The following GRXCR1 variants were observed in gnomAD, a reference collection of about 807,000 sequenced individuals.
The protein encoded by GRXCR1 is glutaredoxin and cysteine rich domain containing 1, also known as glutaredoxin domain-containing cysteine-rich protein 1.
In GRXCR1, 27 loss-of-function variants were observed where a neutral mutation model predicts 27.3. The ratio of observed to expected loss-of-function variants is 0.99; its 90% CI spans 0.73 to 1.37. The LOEUF is 1.37. Among genes scored for constraint, GRXCR1 ranks in the 40% most tolerant of loss-of-function variants. GRXCR1 has a pLI of 0.00. For synonymous variants in GRXCR1, 122 were observed against 131.1 expected (o/e 0.93, Z 0.47); for missense variants, 379 against 354.4 (o/e 1.07, Z -0.56).
At chr4:42,960,692 G>T (rs1460511779) in intron 1 of GRXCR1, among the ~76,000 whole-genome samples, 1 of 151,252 alleles carries the variant, frequency 6.6e-6, no homozygotes, top group Non-Finnish European at 1.5e-5. Context: ...AACTTGTTAG[G>T]TAGCTATTGT....
chr4:43,022,885 C>A (rs554311199), intron 3 of GRXCR1, among the ~76,000 whole-genome samples: 1 of 152,298 alleles, frequency 6.6e-6, no homozygotes, highest in East Asian at 1.9e-4. Flanking sequence ...TGTATTAAAT[C>A]ATTGAAAGCT....
At chr4:42,971,316 A>C (rs934444841) in intron 2 of GRXCR1, among the ~76,000 whole-genome samples, 1 of 152,086 alleles carries the variant, frequency 6.6e-6, no homozygotes, top group Non-Finnish European at 1.5e-5. Context: ...AGTACCTTCC[A>C]CATTTTTATA....
Position 42,893,611 on chromosome 4 carries a change from T to C in GRXCR1, c.345T>C (p.Ala115=). The part of the protein sequence containing the change: ...TVRGVKYKVS[A]GQALFNNLTK... ...GAGGCGTCAAATACAAAGTGAGTGC[T>C]GGCCAGGCTCTATTTAACAATTTGA... Residue 115 remains alanine (A), a synonymous_variant, in exon 1 of 4, where the codon GCT becomes GCC. Coordinates refer to ENST00000399770, the MANE Select transcript of GRXCR1 (RefSeq NM_001080476.3). 1 of 1,613,658 alleles carries C rather than the reference T, an allele frequency of 6.2e-7. No homozygotes were observed. Among genetic ancestry groups the C allele is most frequent in the Non-Finnish European group, 8.5e-7 (1 of 1,179,732 alleles).
intron 2 of GRXCR1, among the ~76,000 whole-genome samples, chr4:43,006,595 G>A (rs1012887071): frequency 3.3e-5 from 5 of 152,182 alleles, no homozygotes; most frequent in African/African-American, 7.2e-5. Context: ...GGTCAGACCA[G>A]TTGATCTCAA....
chr4:42,904,265 C>T (rs560823272), intron 1 of GRXCR1, among the ~76,000 whole-genome samples: 9 of 152,190 alleles, frequency 5.9e-5, no homozygotes, highest in African/African-American at 1.9e-4. Flanking sequence ...GCCCAACTTT[C>T]GCTCCTTCCA....
rs542887143 is a variant in GRXCR1 at position 43,030,584 on chromosome 4, G to T, written c.*44G>T. On this transcript the variant is annotated 3_prime_UTR_variant, in exon 4 of 4. Transcript: ENST00000399770. ...AAAAACCTCATTTTATTAATCAAAGGCAATACTTTGGTTTATATATATATT... is the reference window on the plus strand; with the variant it reads ...AAAAACCTCATTTTATTAATCAAAGTCAATACTTTGGTTTATATATATATT... The T allele has an allele frequency of 6.9e-7, 1 of 1,444,152 alleles. No homozygotes were observed. Among genetic ancestry groups the T allele is most frequent in the East Asian group, 2.3e-5 (1 of 44,006 alleles). 89.5% of individuals were successfully genotyped at this position (1,444,152 alleles called of 1,614,324 possible).
intron 2 of GRXCR1, among the ~76,000 whole-genome samples, chr4:42,965,129 T>G (rs1271693091): frequency 2.6e-5 from 4 of 152,178 alleles, no homozygotes; most frequent in East Asian, 3.9e-4. Flanking sequence ...GTCCTGCTAT[T>G]TGCCCTATAG....
intron 2 of GRXCR1, among the ~76,000 whole-genome samples, chr4:42,969,139 A>G (rs1748320954): frequency 6.6e-6 from 1 of 152,150 alleles, no homozygotes; most frequent in South Asian, 2.1e-4. Flanking sequence ...TTATAATTAT[A>G]TAAAATAATA....
At chr4:42,985,883 G>A (rs916078658) in intron 2 of GRXCR1, among the ~76,000 whole-genome samples, 2 of 151,852 alleles carry the variant, frequency 1.3e-5, no homozygotes, top group Middle Eastern at 3.2e-3. Context: ...TTTATAGCTT[G>A]ACTTGAAAAA....
chr4:42,935,391 T>C (rs1747432427), intron 1 of GRXCR1, among the ~76,000 whole-genome samples: 1 of 151,788 alleles, frequency 6.6e-6, no homozygotes, highest in Admixed American at 6.6e-5. Context: ...AGTGGTAAAG[T>C]TAGTATTACA....
At chr4:43,005,876 G>A (rs995348157) in intron 2 of GRXCR1, among the ~76,000 whole-genome samples, 1 of 152,184 alleles carries the variant, frequency 6.6e-6, no homozygotes, top group African/African-American at 2.4e-5. Context: ...CCCATGCTAG[G>A]CACCAGTTAT....
chr4:42,914,638 G>A (rs751823308), intron 1 of GRXCR1, among the ~76,000 whole-genome samples: 22 of 152,266 alleles, frequency 1.4e-4, no homozygotes, highest in Non-Finnish European at 2.9e-4. Flanking sequence ...GGAAGGGCAG[G>A]ATTGTGTTTT....
At chr4:42,935,622 G>C (rs1747438043) in intron 1 of GRXCR1, among the ~76,000 whole-genome samples, 1 of 151,918 alleles carries the variant, frequency 6.6e-6, no homozygotes, top group Admixed American at 6.6e-5. Context: ...CTCTGTAAGA[G>C]TGGAGGTTTG....
intron 2 of GRXCR1, among the ~76,000 whole-genome samples, chr4:42,990,432 C>A (rs1210726061): frequency 6.6e-6 from 1 of 151,588 alleles, no homozygotes; most frequent in Admixed American, 6.6e-5. Context: ...ACCTCGTGAT[C>A]TGCCCGCCTC....
intron 1 of GRXCR1, among the ~76,000 whole-genome samples, chr4:42,924,288 A>G (rs1225031176): frequency 6.6e-6 from 1 of 152,096 alleles, no homozygotes; most frequent in Non-Finnish European, 1.5e-5. Flanking sequence ...CTTGGATTGT[A>G]TAATAAACAC....
chr4:43,001,732 A>G (rs1003544284), intron 2 of GRXCR1, among the ~76,000 whole-genome samples: 1 of 152,142 alleles, frequency 6.6e-6, no homozygotes, highest in African/African-American at 2.4e-5. Flanking sequence ...AAGTATAGAG[A>G]AGCAACAGTG....
In GRXCR1 at chr4:42,968,416, C is replaced by G. The variant is rs180841511; in HGVS notation, c.627+5282C>G. Reference sequence around the variant, plus strand: ...AAATTTTTAGGCTAGATGACTATAACAGTTATAAATTACATTCATTTCTGA... The same window carrying G: ...AAATTTTTAGGCTAGATGACTATAAGAGTTATAAATTACATTCATTTCTGA... On this transcript the variant is annotated intron_variant, in intron 2 of 3. Transcript: ENST00000399770. Among the ~76,000 whole-genome samples the G allele has an allele frequency of 7.0e-4, 106 of 152,192 alleles. 1 individual carries two copies. The highest frequency in any genetic ancestry group is 4.8e-3 in the Admixed American group (74 of 15,278).
chr4:42,994,734 A>T (rs1384826229), intron 2 of GRXCR1, among the ~76,000 whole-genome samples: 1 of 152,158 alleles, frequency 6.6e-6, no homozygotes, highest in Non-Finnish European at 1.5e-5. Flanking sequence ...TTTCCTGAGG[A>T]AGTGACAGGA....
chr4:42,895,226 A>AT (rs1746321101), intron 1 of GRXCR1, among the ~76,000 whole-genome samples: 1 of 152,138 alleles, frequency 6.6e-6, no homozygotes, highest in African/African-American at 2.4e-5. Context: ...ATTTACCTGC[A>AT]TATTTTTCTA....
Sources: allele counts gnomAD v4.1 joint callset (sites outside exome capture counted in the v4.1 genomes callset), GRCh38; gene constraint gnomAD v4.1.1; transcripts MANE v1.5; gene names NCBI Gene and HGNC (gene_info 2026-07-23, HGNC 2026-07-21).